Variants in TECTA observed in about 807,000 individuals in gnomAD.
TECTA encodes tectorin alpha, also known as alpha-tectorin.
Under a neutral mutation model 216.8 loss-of-function variants are expected in TECTA, and 128 were observed. The observed-to-expected ratio is 0.59, with a 90% confidence interval of 0.51 to 0.68. The LOEUF is 0.68. Among genes scored for constraint, TECTA ranks in the 30% least tolerant of loss-of-function variants. The pLI is 0.00. For synonymous variants in TECTA, 1,089 were observed against 1,117.1 expected, an observed-to-expected ratio of 0.97 and a Z score of 0.50; for missense variants, 2,551 against 2,786.2, an observed-to-expected ratio of 0.92 and a Z score of 1.90.
rs528662660 is a variant in TECTA at position 121,190,996 on chromosome 11, G to A, written c.*190G>A. On this transcript the variant is annotated 3_prime_UTR_variant, in exon 24 of 24. Coordinates refer to ENST00000392793, the MANE Select transcript of TECTA (RefSeq NM_005422.4). ...AAGCTCCTCTTTCAGAGTATGAAACGGGGCTTCTACAAGCCAGTTATGGAA... is the reference window on the plus strand; with the variant it reads ...AAGCTCCTCTTTCAGAGTATGAAACAGGGCTTCTACAAGCCAGTTATGGAA... 9 of 537,198 alleles carry A rather than the reference G, an allele frequency of 1.7e-5. No homozygotes were observed. In the East Asian group the frequency reaches 1.8e-4, roughly 10 times the overall value. 33.3% of individuals were successfully genotyped at this position (537,198 alleles called of 1,614,324 possible). A position where few individuals can be genotyped will look rare whatever the true frequency, so the allele number is the denominator to read the frequency against.
rs911313999 is a variant in TECTA, at chr11:121,119,324, A to C, written c.1203+606A>C. Among the ~76,000 whole-genome samples the C allele has an allele frequency of 2.6e-5, 4 of 152,162 alleles. No individual in the cohort carries two copies. The East Asian group carries it at 7.7e-4, about 29-fold the overall frequency. On this transcript the variant is annotated intron_variant, in intron 7 of 23. Coordinates refer to ENST00000392793, the MANE Select transcript of TECTA (RefSeq NM_005422.4). ...TTCCTTAGTGAGGCTTGGGTGGGAA[A>C]GTCCCATGAAAGCTCTGCCCAGACA...
In TECTA at chr11:121,190,893, C is replaced by T. The variant is rs545022079; in HGVS notation, c.*87C>T. 17 of 1,061,746 alleles carry T rather than the reference C, an allele frequency of 1.6e-5. No individual in the cohort carries two copies. The highest frequency in any genetic ancestry group is 5.3e-5 in the East Asian group (2 of 37,814). The allele number at this position is 1,061,746 out of a possible 1,614,324, so 65.8% of individuals were successfully genotyped here. On this transcript the variant is annotated 3_prime_UTR_variant, in exon 24 of 24. Transcript: ENST00000392793. ...AAAGTGTGTGCCCTTAAGTCAAAACCTATTTGAAAGTGTCCAGCATCTCAA... is the reference window on the plus strand; with the variant it reads ...AAAGTGTGTGCCCTTAAGTCAAAACTTATTTGAAAGTGTCCAGCATCTCAA...
chr11:121,147,566 C>T (rs187366983), intron 12 of TECTA, among the ~76,000 whole-genome samples: 140 of 152,218 alleles, frequency 9.2e-4, no homozygotes, highest in African/African-American at 3.2e-3. Context: ...TAAAAAAGCT[C>T]GGGTCTGGAT....
In TECTA at chr11:121,118,491, G is replaced by A; in HGVS notation, c.976G>A (p.Gly326Arg). ...GGAGACCAGCACATGCGTGGTGTTT[G>A]GGGAGCCACACTACCACACTTTTGA... is the stretch of plus-strand genomic sequence containing the variant. ...AVETSTCVVF[G>R]EPHYHTFDGF... The change falls in exon 7 of 24, where the codon GGG becomes AGG. Residue 326 changes from glycine (G) to arginine (R), a missense_variant. Gly to Arg is a moderately radical substitution (Grantham distance 125, BLOSUM62 -2). Transcript: ENST00000392793. 1 of 1,614,182 alleles carries A rather than the reference G, an allele frequency of 6.2e-7. No individual in the cohort carries two copies. The highest frequency in any genetic ancestry group is 8.5e-7 in the Non-Finnish European group (1 of 1,180,040).
chr11:121,166,838 G>C (rs1947058706), intron 18 of TECTA, 58 bp downstream of exon 18: 6 of 1,600,322 alleles, frequency 3.7e-6, no homozygotes, highest in Non-Finnish European at 3.4e-6. Flanking sequence ...TCGAGTGTTT[G>C]CACATTTATT....
In TECTA at chr11:121,105,917, T is replaced by C. The variant is rs755041065; in HGVS notation, c.151T>C (p.Leu51=). The C allele has an allele frequency of 1.2e-6, 2 of 1,614,234 alleles. No homozygotes were observed. Among genetic ancestry groups the C allele is most frequent in the Non-Finnish European group, 1.7e-6 (2 of 1,180,044 alleles). Residue 51 remains leucine (L), a synonymous_variant, in exon 3 of 24, where the codon TTG becomes CTG. Transcript: ENST00000392793. The surrounding 1 kb of genome is among the most constrained non-coding windows in gnomAD (Gnocchi z 5.3). The stretch of plus-strand genomic sequence containing the variant: ...TGATGGAAGCTCATCTGAGATTAAG[T>C]TGGCCATCCCAGTTTTCTTCTTTGG... The part of the protein sequence containing the change: ...VDDGSSSEIK[L]AIPVFFFGVP...
chr11:121,134,596 C>T (rs1459905561), intron 10 of TECTA, among the ~76,000 whole-genome samples: 1 of 152,074 alleles, frequency 6.6e-6, no homozygotes, highest in Non-Finnish European at 1.5e-5. Context: ...CATCCACCTC[C>T]CTATATCCTC....
intron 3 of TECTA, among the ~76,000 whole-genome samples, chr11:121,108,679 TAC>T (rs1303690593): frequency 1.4e-5 from 2 of 142,590 alleles, no homozygotes; most frequent in African/African-American, 5.3e-5. Context: ...TGCTCCAGTA[TAC>T]ACACACACCT....
chr11:121,179,217 G>T (rs1204723233), intron 20 of TECTA, among the ~76,000 whole-genome samples: 1 of 151,330 alleles, frequency 6.6e-6, no homozygotes, highest in Non-Finnish European at 1.5e-5. Flanking sequence ...CACATGTTTT[G>T]GTATGTTCTG....
chr11:121,111,843 C>T (rs1225360102), intron 4 of TECTA, among the ~76,000 whole-genome samples: 3 of 152,200 alleles, frequency 2.0e-5, no homozygotes, highest in Admixed American at 1.3e-4. Context: ...TTTACCTGAG[C>T]AAGTCTATCA....
At chr11:121,159,486 G>T (rs688641) in intron 14 of TECTA, among the ~76,000 whole-genome samples, 72,290 of 152,100 alleles carry the variant, frequency 0.48, 20,502 homozygotes, top group African/African-American at 0.8. Flanking sequence ...GGGGAGAATA[G>T]TTTTATTTTG....
chr11:121,128,478 G>C, intron 9 of TECTA, 134 bp downstream of exon 9: 2 of 797,128 alleles, frequency 2.5e-6, no homozygotes, highest in Non-Finnish European at 3.9e-6. Context: ...CCAAACGGGA[G>C]CGTTTTCTAA....
chr11:121,125,940 T>C, intron 8 of TECTA, 68 bp downstream of exon 8: 1 of 1,538,886 alleles, frequency 6.5e-7, no homozygotes. Flanking sequence ...CTTTGGGGGC[T>C]CCTCCAAATG....
Position 121,166,761 on chromosome 11 carries a change from A to G in TECTA, c.5567A>G (p.Asn1856Ser), listed in dbSNP as rs1591463469. The G allele has an allele frequency of 6.2e-7, 1 of 1,614,136 alleles. No individual in the cohort carries two copies. The highest frequency in any genetic ancestry group is 8.5e-7 in the Non-Finnish European group (1 of 1,180,014). ...TTTCAGATCAACAACACCAAAGGGA[A>G]TTGTGGAAACATTGTGCAGGTGAGA... Reference protein sequence around the residue: ...ISFQINNTKGNCGNIVQSNGT... With the variant: ...ISFQINNTKGSCGNIVQSNGT... The change falls in exon 18 of 24, where the codon AAT (asparagine) becomes AGT (serine). Residue 1856 changes from asparagine (N) to serine (S), a missense_variant. Asn to Ser is a conservative substitution (Grantham distance 46). Around this residue, in one of 3 missense-constraint regions of TECTA, gnomAD observed 2,375 missense variants for 2,563.9 expected, o/e 0.93. Transcript: ENST00000392793.
At chr11:121,102,633 AT>A (rs200130858) in intron 1 of TECTA, 31 bp from the exon 2 acceptor site, 33 of 1,554,672 alleles carry the variant, frequency 2.1e-5, no homozygotes, top group Middle Eastern at 1.7e-4. Flanking sequence ...CAAGCTGGGG[AT>A]TTTTTTTTCA....
At chr11:121,151,875 CTT>C (rs1565531125) in intron 12 of TECTA, among the ~76,000 whole-genome samples, 1 of 152,182 alleles carries the variant, frequency 6.6e-6, no homozygotes, top group African/African-American at 2.4e-5. Context: ...GGTAGCTGTG[CTT>C]TTAGTATACG....
rs767039420 is a variant in TECTA, at chr11:121,158,144, C to A, written c.4609C>A (p.Pro1537Thr). 1 of 1,614,182 alleles carries A rather than the reference C, an allele frequency of 6.2e-7. No individual in the cohort carries two copies. Among genetic ancestry groups the A allele is most frequent in the African/African-American group, 1.3e-5 (1 of 75,062 alleles). Residue 1537 changes from proline to threonine, a missense_variant, in exon 14 of 24, where the codon CCC (proline) becomes ACC (threonine). Physicochemically the swap from Pro to Thr is conservative, Grantham distance 38. This residue lies in a region of TECTA where 2,375 missense variants were observed against 2,563.9 expected (regional missense o/e 0.93). Transcript: ENST00000392793. Reference sequence around the variant, plus strand: ...CATCAACTTCGACAAGTGGTCGGCCCCCAACCTCACCATCATTTCGCCCGT... The same window carrying A: ...CATCAACTTCGACAAGTGGTCGGCCACCAACCTCACCATCATTTCGCCCGT... ...LIINFDKWSA[P>T]NLTIISPVYF...
intron 6 of TECTA, among the ~76,000 whole-genome samples, chr11:121,115,815 A>G (rs1319061863): frequency 1.3e-5 from 2 of 152,056 alleles, no homozygotes; most frequent in African/African-American, 4.8e-5. Context: ...AACCACAACC[A>G]TGTCAGCTAA....
intron 20 of TECTA, among the ~76,000 whole-genome samples, chr11:121,182,673 C>T (rs1483243715): frequency 2.0e-5 from 3 of 151,640 alleles, no homozygotes; most frequent in Non-Finnish European, 2.9e-5. Flanking sequence ...ATGCAGCCAT[C>T]GGTGTTAGTG....
Sources: gnomAD v4.1 joint callset for allele counts (sites outside exome capture counted in the v4.1 genomes callset) on GRCh38, gnomAD v4.1.1 for gene constraint, gnomAD v4.1.1 regional missense constraint, Gnocchi (gnomAD v3.1) non-coding constraint, MANE v1.5 for transcripts, NCBI Gene and HGNC (gene_info 2026-07-23, HGNC 2026-07-21) for gene names.